DMD: variants seen among roughly 807,000 people sequenced by gnomAD.
DMD encodes mutant dystrophin.
DMD carries 63 observed loss-of-function variants against 330.1 expected under a neutral mutation model. That is an observed-to-expected ratio of 0.19 (90% CI 0.16 to 0.24). The LOEUF (loss-of-function observed/expected upper bound fraction) is 0.24, where lower values mean the gene tolerates loss of function less well. Among genes scored for constraint, DMD ranks in the 10% least tolerant of loss-of-function variants. DMD has a pLI of 1.00. For synonymous variants in DMD, 1,223 were observed against 959.8 expected, an observed-to-expected ratio of 1.27 and a Z score of -5.07; for missense variants, 3,344 against 2,684.1, an observed-to-expected ratio of 1.25 and a Z score of -5.43.
At chrX:32,557,679 A>C (rs1436110687) in intron 16 of DMD, among the ~76,000 whole-genome samples, 1 of 111,941 alleles carries the variant, frequency 8.9e-6, no homozygotes, top group East Asian at 2.8e-4. Flanking sequence ...ACAAGGCACA[A>C]AAATCTGGTA....
At chrX:32,764,906 G>A (rs1011506507) in intron 7 of DMD, among the ~76,000 whole-genome samples, 1 of 108,006 alleles carries the variant, frequency 9.3e-6, no homozygotes, top group African/African-American at 3.4e-5. Flanking sequence ...CCCTCCAGCA[G>A]TTCACAAGTG....
At chrX:32,130,133 A>C (rs1224163733) in intron 44 of DMD, among the ~76,000 whole-genome samples, 1 of 110,728 alleles carries the variant, frequency 9.0e-6, no homozygotes, top group Non-Finnish European at 1.9e-5. Flanking sequence ...GAGTTATAAC[A>C]AGGGGGTGAG....
chrX:32,912,518 G>A (rs1183957504), intron 2 of DMD, among the ~76,000 whole-genome samples: 1 of 111,425 alleles, frequency 9.0e-6, no homozygotes, highest in Non-Finnish European at 1.9e-5. Flanking sequence ...AACTGGAAAC[G>A]ACCCTAGTAT....
In DMD at chrX:32,405,860, G is replaced by C. The variant is rs755625969; in HGVS notation, c.4233+5892C>G. Among the ~76,000 whole-genome samples the C allele has an allele frequency of 7.3e-4, 81 of 111,594 alleles. 1 individual carries two copies. Among genetic ancestry groups the C allele is most frequent in the African/African-American group, 2.6e-3 (80 of 30,780 alleles). ...CCTTGGGCAGTATGGCCATTTTCAC[G>C]ATATTGACACTTCCTACCCATGAGC... is the stretch of plus-strand genomic sequence containing the variant. On this transcript the variant is annotated intron_variant, in intron 30 of 78. Coordinates refer to ENST00000357033, the MANE Select transcript of DMD (RefSeq NM_004006.3).
chrX:32,656,184 C>T (rs2060557288), intron 9 of DMD, among the ~76,000 whole-genome samples: 1 of 111,811 alleles, frequency 8.9e-6, no homozygotes, highest in Non-Finnish European at 1.9e-5. Flanking sequence ...TATAACGCAT[C>T]CAACTTCGTC....
In DMD at chrX:33,322,185, G is replaced by A. The variant is rs1054387848; in HGVS notation, c.7+17074C>T. ...CTTGACTAACTGTCTGGTGCAAGAC[G>A]CCTAGATTTCAGCCTAACTCAGCTT... On this transcript the variant is annotated intron_variant, in intron 1 of 17. Coordinates refer to the DMD transcript ENST00000288447. 7.2e-5 allele frequency among the ~76,000 whole-genome samples: 8 copies of A among 111,225 alleles called. No homozygotes were observed. The East Asian group carries it at 1.7e-3, about 24-fold the overall frequency.
At chrX:31,475,889 C>CAAGTCTG (rs2067705950) in intron 59 of DMD, among the ~76,000 whole-genome samples, 1 of 111,522 alleles carries the variant, frequency 9.0e-6, no homozygotes, top group Non-Finnish European at 1.9e-5. Context: ...TCTTTTATAA[C>CAAGTCTG]TACCTGTCCA....
chrX:32,821,726 T>C (rs2078276317), intron 5 of DMD, among the ~76,000 whole-genome samples: 1 of 111,913 alleles, frequency 8.9e-6, no homozygotes, highest in African/African-American at 3.2e-5. Flanking sequence ...AGAACATGTA[T>C]TATATTGATA....
At chrX:31,965,124 T>C (rs2095340368) in intron 45 of DMD, among the ~76,000 whole-genome samples, 1 of 111,511 alleles carries the variant, frequency 9.0e-6, no homozygotes, top group African/African-American at 3.3e-5. Flanking sequence ...ATCCATTGCT[T>C]GAAGGCCTGG....
rs143321876 is a variant in DMD, at chrX:32,485,368, C to T, written c.2623-269G>A. ...TTTAGAGCATTAATGGGTATGAATG[C>T]GTACAGTGGAAAAATACTATGCATG... On this transcript the variant is annotated intron_variant, in intron 20 of 78. Coordinates refer to ENST00000357033, the MANE Select transcript of DMD (RefSeq NM_004006.3). 5.3e-3 allele frequency among the ~76,000 whole-genome samples: 584 copies of T among 110,488 alleles called. 5 individuals are homozygous for T. Among genetic ancestry groups the T allele is most frequent in the African/African-American group, 0.018 (560 of 30,453 alleles).
At chrX:32,769,598 G>A (rs1125142) in intron 7 of DMD, among the ~76,000 whole-genome samples, 27,983 of 110,160 alleles carry the variant, frequency 0.25, 2,769 homozygotes, top group Non-Finnish European at 0.31. Context: ...CTAATTCAGT[G>A]ACACGAGATC....
chrX:31,589,330 C>T (rs1172199894), intron 55 of DMD, among the ~76,000 whole-genome samples: 1 of 111,370 alleles, frequency 9.0e-6, no homozygotes, highest in East Asian at 2.8e-4. Context: ...TTCATGCCTT[C>T]AGGCTCAGCT....
At chrX:32,359,693 T>C (rs1018876728) in intron 37 of DMD, among the ~76,000 whole-genome samples, 3 of 111,224 alleles carry the variant, frequency 2.7e-5, no homozygotes, top group Admixed American at 1.9e-4. Context: ...AATAGCCAAA[T>C]TTTAGAACGA....
chrX:32,704,696 G>C lies in DMD; in HGVS notation c.650-5403C>G, dbSNP rs918552500. On this transcript the variant is annotated intron_variant, in intron 7 of 78. Transcript: ENST00000357033. ...CATGATGAGCATCAACCTCCCCACA[G>C]GGTTTGTATTAGGAAACAAAAATAA... Among the ~76,000 whole-genome samples, 5 of 111,847 alleles carry C rather than the reference G, an allele frequency of 4.5e-5. No homozygotes were observed. The Admixed American group carries it at 4.8e-4, about 11-fold the overall frequency.
chrX:32,712,342 C>T (rs1361259528), intron 7 of DMD, among the ~76,000 whole-genome samples: 1 of 111,296 alleles, frequency 9.0e-6, no homozygotes, highest in East Asian at 2.8e-4. Flanking sequence ...CTGTGTACAA[C>T]GCTGCAATGA....
chrX:32,522,723 T>C (rs2046565109), intron 17 of DMD, among the ~76,000 whole-genome samples: 1 of 112,317 alleles, frequency 8.9e-6, no homozygotes, highest in South Asian at 3.7e-4. Context: ...GCTTCATATT[T>C]TCTAAAGTAA....
intron 2 of DMD, among the ~76,000 whole-genome samples, chrX:32,900,268 T>G (rs915010946): frequency 9.0e-6 from 1 of 111,458 alleles, no homozygotes; most frequent in Non-Finnish European, 1.9e-5. Context: ...AAATGAAAAT[T>G]GGGAAGAGAG....
At position 32,406,420 on chromosome X, in the gene DMD, T is replaced by A. The variant is rs766355472; in HGVS notation, c.4233+5332A>T. 2.2e-3 allele frequency among the ~76,000 whole-genome samples: 244 copies of A among 109,339 alleles called. 1 individual carries two copies. The highest frequency in any genetic ancestry group is 7.6e-3 in the African/African-American group (218 of 28,840). 94.9% of individuals were successfully genotyped at this position (109,339 alleles called of 115,157 possible). A position where few individuals can be genotyped will look rare whatever the true frequency, so the allele number is the denominator to read the frequency against. ...TAGATAGCTCTTATTATTTTGAGAT[T>A]TGTCCCATCAATACCTAATTTATTG... On this transcript the variant is annotated intron_variant, in intron 30 of 78. Transcript: ENST00000357033.
At chrX:31,365,031 G>T (rs1363858559) in intron 60 of DMD, among the ~76,000 whole-genome samples, 9 of 102,197 alleles carry the variant, frequency 8.8e-5, no homozygotes, top group Non-Finnish European at 1.4e-4. Context: ...GGAGGTGGAG[G>T]TTGCAGTGAG....
Sources: allele counts gnomAD v4.1 joint callset (sites outside exome capture counted in the v4.1 genomes callset), GRCh38; gene constraint gnomAD v4.1.1; transcripts MANE v1.5; gene names NCBI Gene and HGNC (gene_info 2026-07-23, HGNC 2026-07-21).